The following DNAH5 variants were observed in gnomAD, a reference collection of about 807,000 sequenced individuals.
The protein encoded by DNAH5 is axonemal beta dynein heavy chain 5.
A neutral mutation model predicts 518.2 loss-of-function variants in DNAH5; 372 were observed. That is an observed-to-expected ratio of 0.72 (90% CI 0.66 to 0.78). DNAH5 has a LOEUF of 0.78. Among genes scored for constraint, DNAH5 ranks in the 30% least tolerant of loss-of-function variants. The pLI is 0.00. For missense variants in DNAH5, 5,523 were observed against 5,687.0 expected, an observed-to-expected ratio of 0.97 and a Z score of 0.93; for synonymous variants, 2,039 against 2,025.9, an observed-to-expected ratio of 1.01 and a Z score of -0.17.
At chr5:13,851,208 T>G (rs1330961941) in intron 30 of DNAH5, among the ~76,000 whole-genome samples, 1 of 152,134 alleles carries the variant, frequency 6.6e-6, no homozygotes, top group Non-Finnish European at 1.5e-5. Context: ...AGAAAAAATA[T>G]TTAAAAATAA....
intron 65 of DNAH5, among the ~76,000 whole-genome samples, chr5:13,742,705 G>A (rs544060140): frequency 2.0e-5 from 3 of 152,140 alleles, no homozygotes; most frequent in Admixed American, 1.3e-4. Context: ...TAACAAATTT[G>A]TCGATTAAAG....
At chr5:13,926,625 T>C (rs930838437) in intron 3 of DNAH5, among the ~76,000 whole-genome samples, 1 of 152,228 alleles carries the variant, frequency 6.6e-6, no homozygotes, top group African/African-American at 2.4e-5. Context: ...GAAATGACTA[T>C]AGAATTTTTT....
chr5:13,884,523 T>A (rs1561502205), intron 19 of DNAH5, among the ~76,000 whole-genome samples: 2 of 152,188 alleles, frequency 1.3e-5, no homozygotes, highest in Non-Finnish European at 2.9e-5. Flanking sequence ...ATGTTTAAAA[T>A]TACGAGAAGG....
At chr5:13,919,415 C>T in intron 6 of DNAH5, 63 bp from the exon 7 acceptor site, 1 of 1,577,788 alleles carries the variant, frequency 6.3e-7, no homozygotes, top group Non-Finnish European at 8.6e-7. Flanking sequence ...AAGTTATAAA[C>T]AAGCAAAAAA....
At chr5:13,811,452 A>G (rs1202762292) in intron 44 of DNAH5, among the ~76,000 whole-genome samples, 195 bp downstream of exon 44, 1 of 152,226 alleles carries the variant, frequency 6.6e-6, no homozygotes, top group African/African-American at 2.4e-5. Flanking sequence ...TTAAAGGGAT[A>G]TGAAAAAATA....
At chr5:13,972,409 T>A (rs1781939080) in intron 1 of DNAH5, among the ~76,000 whole-genome samples, 1 of 152,192 alleles carries the variant, frequency 6.6e-6, no homozygotes, top group South Asian at 2.1e-4. Context: ...AGTTTCCTTC[T>A]CCCTGTGGTC....
rs1305246642 is a variant in DNAH5 at position 14,010,751 on chromosome 5, TAC to T, written c.12+895_12+896del. Among the ~76,000 whole-genome samples the T allele has an allele frequency of 3.9e-5, 6 of 152,154 alleles. 1 individual carries two copies. Among genetic ancestry groups the T allele is most frequent in the Admixed American group, 1.3e-4 (2 of 15,284 alleles). On this transcript the variant is annotated intron_variant, in intron 1 of 78. Transcript: ENST00000681290. Reference sequence around the variant, plus strand: ...GCCAATTTTGAGCAACGTAAATATCTACAGAGAGGAGGAAAACGCTGAAGTAT... The same window carrying T: ...GCCAATTTTGAGCAACGTAAATATCTAGAGAGGAGGAAAACGCTGAAGTAT...
At position 13,811,916 on chromosome 5, in the gene DNAH5, T is replaced by C. The variant is rs938151101; in HGVS notation, c.7231-93A>G. The C allele has an allele frequency of 5.8e-6, 6 of 1,039,696 alleles. No homozygotes were observed. In the African/African-American group the frequency reaches 9.6e-5, roughly 17 times the overall value. 64.4% of individuals were successfully genotyped at this position (1,039,696 alleles called of 1,614,324 possible). On this transcript the variant is annotated intron_variant, in intron 43 of 78. Coordinates refer to ENST00000265104, the MANE Select transcript of DNAH5 (RefSeq NM_001369.3). The stretch of plus-strand genomic sequence containing the variant: ...CAAAAATTTTAAAAGTATCTGTTAA[T>C]AATGATAATATCTAATGATTATACC...
chr5:13,745,221 T>G (rs1408730112), intron 65 of DNAH5, among the ~76,000 whole-genome samples: 1 of 151,984 alleles, frequency 6.6e-6, no homozygotes, highest in East Asian at 1.9e-4. Flanking sequence ...TCTAAGAGAT[T>G]TGGTTTCTAT....
At chr5:13,701,527 A>G in intron 76 of DNAH5, 91 bp from the exon 77 acceptor site, 1 of 1,241,792 alleles carries the variant, frequency 8.1e-7, no homozygotes, top group Non-Finnish European at 1.2e-6. Context: ...AAAAGATGAA[A>G]TATCAATTTC....
intron 34 of DNAH5, 123 bp downstream of exon 34, chr5:13,840,783 A>G: frequency 1.3e-6 from 1 of 777,802 alleles, no homozygotes; most frequent in Non-Finnish European, 2.1e-6. Context: ...GATTACAAAC[A>G]TGATTCTTTG....
rs1410696631 is a variant in DNAH5 at position 13,842,475 on chromosome 5, G to GAA, written c.5272-573_5272-572dup. ...AGAAAGAAAGAAAGAAAGAAAGAAA[G>GAA]AAAGAAAGAGAAAGAAAAGAAAGAA... On this transcript the variant is annotated intron_variant, in intron 32 of 78. Transcript: ENST00000265104. Among the ~76,000 whole-genome samples, 24 of 113,006 alleles carry GAA rather than the reference G, an allele frequency of 2.1e-4. 3 individuals are homozygous for GAA. Among genetic ancestry groups the GAA allele is most frequent in the African/African-American group, 6.6e-4 (18 of 27,338 alleles). 74.1% of individuals were successfully genotyped at this position (113,006 alleles called of 152,430 possible). A position where few individuals can be genotyped will look rare whatever the true frequency, so the allele number is the denominator to read the frequency against.
At chr5:13,980,879 C>G (rs1429500249) in intron 1 of DNAH5, among the ~76,000 whole-genome samples, 1 of 152,218 alleles carries the variant, frequency 6.6e-6, no homozygotes, top group East Asian at 1.9e-4. Context: ...AGATGCCAAG[C>G]AAGCTTAGGC....
intron 52 of DNAH5, among the ~76,000 whole-genome samples, chr5:13,782,869 C>A (rs1755395847): frequency 1.3e-5 from 2 of 152,126 alleles, no homozygotes. Context: ...GCTATTTTGT[C>A]CTGTTATATA....
Position 13,900,291 on chromosome 5 carries a change from G to C in DNAH5, c.2174C>G (p.Ala725Gly). 1.2e-6 allele frequency: 2 copies of C among 1,614,088 alleles called. No homozygotes were observed. The highest frequency in any genetic ancestry group is 2.7e-5 in the African/African-American group (2 of 75,016). Residue 725 changes from alanine (A) to glycine (G), a missense_variant, in exon 15 of 79, where the codon GCC becomes GGC. Physicochemically the swap from Ala to Gly is moderately conservative, Grantham distance 60. Coordinates refer to ENST00000265104, the MANE Select transcript of DNAH5 (RefSeq NM_001369.3). Reference sequence around the variant, plus strand: ...TGGAGAGACTTCCAGACCCATCTGGGCCATGCACTCTGTTTCTCTAAATAA... The same window carrying C: ...TGGAGAGACTTCCAGACCCATCTGGCCCATGCACTCTGTTTCTCTAAATAA... ...LILFRETECM[A>G]QMGLEVSPLA...
At chr5:13,812,085 TCAGGA>T (rs1760791259) in intron 43 of DNAH5, among the ~76,000 whole-genome samples, 2 of 152,102 alleles carry the variant, frequency 1.3e-5, no homozygotes, top group Non-Finnish European at 2.9e-5. Flanking sequence ...GGTAGCCTGC[TCAGGA>T]GCCCACTGCA....
chr5:13,945,589 A>G (rs1402139518), upstream of DNAH5, among the ~76,000 whole-genome samples: 1 of 152,062 alleles, frequency 6.6e-6, no homozygotes, highest in Non-Finnish European at 1.5e-5. Flanking sequence ...AGGAAGTTTA[A>G]GTTTGTTTGC....
rs374072143 is a variant in DNAH5 at position 13,862,597 on chromosome 5, C to T, written c.4747G>A (p.Ala1583Thr). ...LRGDSTSEII[A>T]NMEDSLMLLG... ...AACATCAAGCTGTCCTCCATGTTGG[C>T]GATGATTTCCGAGGTACTGTCTCCT... The change falls in exon 29 of 79, where the codon GCC becomes ACC. Residue 1583 changes from alanine (A) to threonine (T), a missense_variant. Ala to Thr is a moderately conservative substitution (Grantham distance 58, BLOSUM62 0). Coordinates refer to ENST00000265104, the MANE Select transcript of DNAH5 (RefSeq NM_001369.3). The T allele has an allele frequency of 2.0e-5, 33 of 1,613,776 alleles. No homozygotes were observed. Among genetic ancestry groups the T allele is most frequent in the African/African-American group, 5.3e-5 (4 of 74,852 alleles).
chr5:13,841,918 CAAA>C lies in DNAH5; in HGVS notation c.5272-17_5272-15del, dbSNP rs35337694. 18,016 of 572,562 alleles carry C rather than the reference CAAA, an allele frequency of 0.031. 3 individuals are homozygous for C. Among genetic ancestry groups the C allele is most frequent in the East Asian group, 0.045 (1,299 of 28,834 alleles). The allele number at this position is 572,562 out of a possible 1,614,324, so 35.5% of individuals were successfully genotyped here. On this transcript the variant is annotated splice_polypyrimidine_tract_variant and intron_variant, in intron 32 of 78. Transcript: ENST00000265104. Reference sequence around the variant, plus strand: ...TCGATCATAGATCTATGTTAGAAACCAAAAAAAAAAAAAAAAAAAGCTATAGTC... The same window carrying C: ...TCGATCATAGATCTATGTTAGAAACCAAAAAAAAAAAAAAAAGCTATAGTC...
Sources: allele counts gnomAD v4.1 joint callset (sites outside exome capture counted in the v4.1 genomes callset), GRCh38; gene constraint gnomAD v4.1.1; transcripts MANE v1.5; gene names NCBI Gene and HGNC (gene_info 2026-07-23, HGNC 2026-07-21).